HTT: variants seen among roughly 807,000 people sequenced by gnomAD.
HTT encodes the protein huntington disease protein.
HTT carries 104 observed loss-of-function variants against 362.3 expected under a neutral mutation model. That is an observed-to-expected ratio of 0.29 (90% CI 0.24 to 0.34). The LOEUF (loss-of-function observed/expected upper bound fraction) is 0.34, where lower values mean the gene tolerates loss of function less well. Among genes scored for constraint, HTT ranks in the 10% least tolerant of loss-of-function variants. The probability of loss-of-function intolerance (pLI) is 1.00; values close to 1 mark genes in which losing one functional copy is unlikely to be tolerated. For synonymous variants in HTT, 1,577 were observed against 1,548.7 expected, an observed-to-expected ratio of 1.02 and a Z score of -0.43; for missense variants, 3,301 against 3,928.6, an observed-to-expected ratio of 0.84 and a Z score of 4.27.
chr4:3,229,542 A>C (rs1429138252), intron 59 of HTT, among the ~76,000 whole-genome samples: 3 of 146,334 alleles, frequency 2.1e-5, no homozygotes, highest in Non-Finnish European at 4.5e-5. Flanking sequence ...CACACATGCC[A>C]CACACACATG....
intron 26 of HTT, among the ~76,000 whole-genome samples, chr4:3,150,712 A>C (rs1716837249): frequency 6.6e-6 from 1 of 152,206 alleles, no homozygotes; most frequent in Admixed American, 6.5e-5. Flanking sequence ...ATATACATGC[A>C]CATATGCAGG....
chr4:3,095,969 T>A (rs1212333618), intron 2 of HTT, among the ~76,000 whole-genome samples: 1 of 152,232 alleles, frequency 6.6e-6, no homozygotes, highest in Non-Finnish European at 1.5e-5. Context: ...CGGTATATGC[T>A]GCTGCCTGCA....
At chr4:3,130,239 C>A in intron 13 of HTT, 66 bp from the exon 14 acceptor site, 1 of 1,109,048 alleles carries the variant, frequency 9.0e-7, no homozygotes, top group Non-Finnish European at 1.3e-6. Context: ...GTTATCTTAG[C>A]ATAAATGTAT....
Position 3,184,070 on chromosome 4 carries a change from C to T in HTT, c.4866+1600C>T, listed in dbSNP as rs569968286. 8.6e-5 allele frequency among the ~76,000 whole-genome samples: 13 copies of T among 151,476 alleles called. No homozygotes were observed. In the South Asian group the frequency reaches 2.1e-3, roughly 24 times the overall value. On this transcript the variant is annotated intron_variant, in intron 37 of 66. Transcript: ENST00000355072. ...TACCATGGCGGCTGATCAGGAACAC[C>T]GTACAGAAGAATCCAGGAGGGAAGA...
chr4:3,170,740 A>T (rs561515038), intron 29 of HTT, among the ~76,000 whole-genome samples: 2 of 152,274 alleles, frequency 1.3e-5, no homozygotes, highest in African/African-American at 2.4e-5. Context: ...GGGCTGACTT[A>T]GTCTCTCGTC....
intron 6 of HTT, among the ~76,000 whole-genome samples, chr4:3,110,386 G>A (rs1251769800): frequency 6.6e-6 from 1 of 152,168 alleles, no homozygotes; most frequent in African/African-American, 2.4e-5. Context: ...CATCCAACTT[G>A]AGTTATCCAG....
chr4:3,132,788 T>C, intron 17 of HTT, 26 bp from the exon 18 acceptor site: 1 of 1,612,544 alleles, frequency 6.2e-7, no homozygotes, highest in South Asian at 1.1e-5. Flanking sequence ...TAGATGATGA[T>C]GTTTGTTGCT....
intron 29 of HTT, among the ~76,000 whole-genome samples, chr4:3,169,003 A>ATTCTTTCTTTCT (rs113879546): frequency 7.9e-4 from 113 of 143,564 alleles, no homozygotes; most frequent in Admixed American, 1.4e-3. Flanking sequence ...ATTTTAGGCC[A>ATTCTTTCTTTCT]TTCTTTCTTT....
intron 29 of HTT, among the ~76,000 whole-genome samples, chr4:3,165,219 C>CT (rs922610738): frequency 2.6e-5 from 4 of 152,146 alleles, no homozygotes; most frequent in African/African-American, 9.7e-5. Context: ...GTTGAAAATA[C>CT]TTTTTTTAAA....
chr4:3,109,214 G>GTTTC (rs768244272), intron 6 of HTT, among the ~76,000 whole-genome samples: 1 of 151,684 alleles, frequency 6.6e-6, no homozygotes, highest in Non-Finnish European at 1.5e-5. Flanking sequence ...TTACTTTCAT[G>GTTTC]TTTCTTTCTT....
At chr4:3,208,975 G>C (rs1316050166) in intron 46 of HTT, 64 bp downstream of exon 46, 2 of 1,515,962 alleles carry the variant, frequency 1.3e-6, no homozygotes, top group Non-Finnish European at 1.8e-6. Context: ...ACCTGTGGCA[G>C]ATACAGAGAG....
At chr4:3,213,787 G>A (rs1720270264) in intron 49 of HTT, among the ~76,000 whole-genome samples, 171 bp from the exon 50 acceptor site, 2 of 152,178 alleles carry the variant, frequency 1.3e-5, no homozygotes, top group South Asian at 4.1e-4. Context: ...GGAATAGGTG[G>A]GTCAGGACTG....
chr4:3,210,654 G>C (rs1232520881), intron 47 of HTT, among the ~76,000 whole-genome samples: 1 of 152,146 alleles, frequency 6.6e-6, no homozygotes, highest in Non-Finnish European at 1.5e-5. Context: ...GCCCAAGCAG[G>C]GCTTCTTCTC....
At chr4:3,086,040 C>T (rs1713192131) in intron 1 of HTT, among the ~76,000 whole-genome samples, 1 of 152,134 alleles carries the variant, frequency 6.6e-6, no homozygotes, top group South Asian at 2.1e-4. Flanking sequence ...AGTCAGTTAA[C>T]GATTTTGAGA....
intron 42 of HTT, among the ~76,000 whole-genome samples, chr4:3,204,585 G>T (rs777643418): frequency 2.0e-5 from 3 of 152,208 alleles, no homozygotes; most frequent in African/African-American, 4.8e-5. Flanking sequence ...CCAGCAACTC[G>T]AGAGGCTGAG....
Position 3,105,363 on chromosome 4 carries a change from G to A in HTT, c.535G>A (p.Ala179Thr). The change falls in exon 5 of 67, where the codon GCC becomes ACC. Residue 179 changes from alanine to threonine, a missense_variant. This residue lies in a region of HTT where 2,316 missense variants were observed against 2,658.5 expected (regional missense o/e 0.87). Transcript: ENST00000355072. ...ELYKEIKKNG[A>T]PRSLRAALWR... The stretch of plus-strand genomic sequence containing the variant: ...CCTCATTGCACCCCCTCAGAATGGT[G>A]CCCCTCGGAGTTTGCGTGCTGCCCT... The A allele has an allele frequency of 6.2e-7, 1 of 1,613,052 alleles. No homozygotes were observed. Among genetic ancestry groups the A allele is most frequent in the Non-Finnish European group, 8.5e-7 (1 of 1,179,024 alleles).
chr4:3,086,729 G>GT (rs1238528435), intron 1 of HTT, among the ~76,000 whole-genome samples: 14 of 152,148 alleles, frequency 9.2e-5, no homozygotes, highest in African/African-American at 2.9e-4. Context: ...AACATCATCT[G>GT]TTTTTTCTGT....
chr4:3,099,441 A>C, intron 3 of HTT, 47 bp downstream of exon 3: 1 of 1,606,582 alleles, frequency 6.2e-7, no homozygotes, highest in African/African-American at 1.3e-5. Context: ...TCATTGTTGT[A>C]GGCTGAGAGA....
intron 26 of HTT, among the ~76,000 whole-genome samples, chr4:3,153,792 C>T (rs150516145): frequency 9.9e-5 from 15 of 152,152 alleles, no homozygotes; most frequent in South Asian, 4.2e-4. Context: ...GGTGATGTGG[C>T]GTGTGCCTGT....
Sources: gnomAD v4.1 joint callset for allele counts (sites outside exome capture counted in the v4.1 genomes callset) on GRCh38, gnomAD v4.1.1 for gene constraint, gnomAD v4.1.1 regional missense constraint, MANE v1.5 for transcripts, NCBI Gene and HGNC (gene_info 2026-07-23, HGNC 2026-07-21) for gene names.